KCTD16: variants seen among roughly 807,000 people sequenced by gnomAD.
KCTD16 encodes the protein potassium channel tetramerization domain containing 16, also known as BTB/POZ domain-containing protein KCTD16.
In KCTD16, 13 loss-of-function variants were observed where a neutral mutation model predicts 33.2. The ratio of observed to expected loss-of-function variants is 0.39; its 90% confidence interval spans 0.25 to 0.62. The LOEUF is 0.62. Ranked by LOEUF, KCTD16 falls within the 20% of genes least tolerant of loss-of-function variation. KCTD16 has a pLI of 0.50. For synonymous variants in KCTD16, 197 were observed against 195.3 expected, an observed-to-expected ratio of 1.01 and a Z score of -0.07; for missense variants, 441 against 525.1, an observed-to-expected ratio of 0.84 and a Z score of 1.57.
At chr5:144,464,348 G>T (rs1221139265) in intron 3 of KCTD16, among the ~76,000 whole-genome samples, 1 of 152,160 alleles carries the variant, frequency 6.6e-6, no homozygotes, top group Non-Finnish European at 1.5e-5. Context: ...CAATAAAATA[G>T]GAATATTTAT....
intron 3 of KCTD16, among the ~76,000 whole-genome samples, chr5:144,272,340 G>A (rs1449569376): frequency 6.6e-6 from 1 of 152,082 alleles, no homozygotes. Context: ...CGAAGCAGGG[G>A]AATCACTTGA....
chr5:144,423,069 G>A (rs970476137), intron 3 of KCTD16, among the ~76,000 whole-genome samples: 1 of 152,118 alleles, frequency 6.6e-6, no homozygotes, highest in Non-Finnish European at 1.5e-5. Context: ...AAATGAAAGA[G>A]AATGGCATTC....
chr5:144,449,148 T>C (rs1160142337), intron 3 of KCTD16, among the ~76,000 whole-genome samples: 10 of 152,062 alleles, frequency 6.6e-5, no homozygotes, highest in Non-Finnish European at 1.2e-4. Flanking sequence ...AGAGTACTCC[T>C]CTAAGAGAGC....
chr5:144,225,134 CT>C (rs1284114503), intron 3 of KCTD16, among the ~76,000 whole-genome samples: 5 of 152,146 alleles, frequency 3.3e-5, no homozygotes, highest in African/African-American at 1.2e-4. Flanking sequence ...CAAAACAGAG[CT>C]ATTCAAGGGA....
chr5:144,433,321 G>A (rs1028475899), intron 3 of KCTD16, among the ~76,000 whole-genome samples: 1 of 152,088 alleles, frequency 6.6e-6, no homozygotes, highest in African/African-American at 2.4e-5. Context: ...GTCATCCCTG[G>A]TGGCATGAGG....
chr5:144,299,078 GTATATATATATCACTATGTA>G (rs1756135984), intron 3 of KCTD16, among the ~76,000 whole-genome samples: 1 of 16,988 alleles, frequency 5.9e-5, no homozygotes, highest in African/African-American at 2.7e-4. Flanking sequence ...ATATATTTTT[GTATATATATATCACTATGTA>G]TATATATATA....
chr5:144,348,694 TC>T (rs1178952750), intron 3 of KCTD16, among the ~76,000 whole-genome samples: 1 of 152,242 alleles, frequency 6.6e-6, no homozygotes, highest in Non-Finnish European at 1.5e-5. Context: ...TTTGTTATTT[TC>T]AAAAATTTTA....
chr5:144,227,956 A>T (rs1465247189), intron 3 of KCTD16, among the ~76,000 whole-genome samples: 1 of 152,150 alleles, frequency 6.6e-6, no homozygotes, highest in Non-Finnish European at 1.5e-5. Context: ...CCTTTTTTAG[A>T]GGTAATATTA....
chr5:144,298,345 T>C (rs1305158642), intron 3 of KCTD16, among the ~76,000 whole-genome samples: 1 of 152,170 alleles, frequency 6.6e-6, no homozygotes, highest in Non-Finnish European at 1.5e-5. Flanking sequence ...TTGGATCACA[T>C]TGGCCAGGAT....
At chr5:144,328,996 T>C (rs908214232) in intron 3 of KCTD16, among the ~76,000 whole-genome samples, 14 of 152,164 alleles carry the variant, frequency 9.2e-5, no homozygotes, top group African/African-American at 3.4e-4. Context: ...ATAAATATGA[T>C]CACCCATCTA....
At chr5:144,334,920 G>T (rs1752444796) in intron 3 of KCTD16, among the ~76,000 whole-genome samples, 2 of 151,934 alleles carry the variant, frequency 1.3e-5, no homozygotes, top group South Asian at 2.1e-4. Flanking sequence ...GGGACTACCG[G>T]CATGTACTAC....
chr5:144,199,462 T>C (rs1753000222), intron 2 of KCTD16, among the ~76,000 whole-genome samples: 1 of 152,230 alleles, frequency 6.6e-6, no homozygotes, highest in South Asian at 2.1e-4. Flanking sequence ...GTCTTGTTTT[T>C]AGGGCTATTC....
intron 3 of KCTD16, among the ~76,000 whole-genome samples, chr5:144,425,016 A>G (rs947692317): frequency 4.6e-5 from 7 of 152,106 alleles, no homozygotes; most frequent in African/African-American, 1.2e-4. Flanking sequence ...TCAACTCACA[A>G]GTCCAAAGTC....
chr5:144,401,972 G>T (rs1056862796), intron 3 of KCTD16, among the ~76,000 whole-genome samples: 1 of 152,174 alleles, frequency 6.6e-6, no homozygotes, highest in African/African-American at 2.4e-5. Context: ...CATCCAAGGG[G>T]CTGTGTTAGG....
chr5:144,268,724 G>C (rs1378224054), intron 3 of KCTD16, among the ~76,000 whole-genome samples: 1 of 151,910 alleles, frequency 6.6e-6, no homozygotes, highest in East Asian at 1.9e-4. Context: ...AACATTCAAA[G>C]GAAAAAAATT....
rs1317392011 is a variant in KCTD16, at chr5:144,485,244, T to C, written c.*11130T>C. On this transcript the variant is annotated 3_prime_UTR_variant, in exon 4 of 4. Transcript: ENST00000512467. ...GAATTGCACATCATTTTGGCAATCA[T>C]TGGTTCACTCAGAAGGCAACCGCCT... The C allele has an allele frequency of 2.0e-5, 3 of 151,914 alleles. No individual in the cohort carries two copies. The highest frequency in any genetic ancestry group is 4.4e-5 in the Non-Finnish European group (3 of 67,904). 9.4% of individuals were successfully genotyped at this position (151,914 alleles called of 1,614,324 possible).
intron 3 of KCTD16, among the ~76,000 whole-genome samples, chr5:144,243,351 G>C (rs1364728425): frequency 6.6e-6 from 1 of 152,160 alleles, no homozygotes; most frequent in African/African-American, 2.4e-5. Context: ...CCACACCTAA[G>C]GAGAGGGAAG....
Position 144,474,697 on chromosome 5 carries a change from C to T in KCTD16, c.*583C>T, listed in dbSNP as rs1754556509. ...TATATACACATGACGCACACGATGC[C>T]AGGGCCTAGACCTCCCAAGGGCTGT... On this transcript the variant is annotated 3_prime_UTR_variant, in exon 4 of 4. Transcript: ENST00000512467. 6.5e-6 allele frequency: 1 copy of T among 153,036 alleles called. No individual in the cohort carries two copies. Among genetic ancestry groups the T allele is most frequent in the South Asian group, 2.1e-4 (1 of 4,850 alleles). 9.5% of individuals were successfully genotyped at this position (153,036 alleles called of 1,614,324 possible).
chr5:144,239,249 G>A (rs972301477), intron 3 of KCTD16, among the ~76,000 whole-genome samples: 5 of 152,086 alleles, frequency 3.3e-5, no homozygotes, highest in African/African-American at 1.2e-4. Flanking sequence ...GAGAAATAAT[G>A]TGCTCTTCCT....
Sources: allele counts gnomAD v4.1 joint callset (sites outside exome capture counted in the v4.1 genomes callset), GRCh38; gene constraint gnomAD v4.1.1; transcripts MANE v1.5; gene names NCBI Gene and HGNC (gene_info 2026-07-23, HGNC 2026-07-21).